Variants in FRMD4A observed in about 807,000 individuals in gnomAD.
The protein encoded by FRMD4A is FERM domain containing 4A.
FRMD4A carries 29 observed loss-of-function variants against 129.1 expected under a neutral mutation model. The ratio of observed to expected loss-of-function variants is 0.22; its 90% CI spans 0.17 to 0.31. The LOEUF (loss-of-function observed/expected upper bound fraction) is 0.31, where lower values mean the gene tolerates loss of function less well. FRMD4A is among the 10% of genes least tolerant of loss of function. The pLI, the probability that FRMD4A is intolerant of heterozygous loss-of-function variation, is 1.00. For synonymous variants in FRMD4A, 634 were observed against 571.6 expected (o/e 1.11, Z -1.56); for missense variants, 1,272 against 1,375.8 (o/e 0.92, Z 1.19).
At chr10:13,748,985 C>A (rs1362060725) in intron 8 of FRMD4A, among the ~76,000 whole-genome samples, 1 of 152,144 alleles carries the variant, frequency 6.6e-6, no homozygotes, top group Non-Finnish European at 1.5e-5. Flanking sequence ...TTTAAACTCC[C>A]CTAGCTTAAC....
intron 2 of FRMD4A, among the ~76,000 whole-genome samples, chr10:14,020,632 C>G (rs1473844761): frequency 6.6e-6 from 1 of 152,054 alleles, no homozygotes; most frequent in African/African-American, 2.4e-5. Flanking sequence ...CTCCCTGACT[C>G]CTCTGGAAGG....
At chr10:13,812,930 C>T (rs1056924046) in intron 3 of FRMD4A, among the ~76,000 whole-genome samples, 5 of 152,242 alleles carry the variant, frequency 3.3e-5, no homozygotes, top group African/African-American at 4.8e-5. Context: ...AACGTCTACT[C>T]TGCGAGAATG....
intron 2 of FRMD4A, among the ~76,000 whole-genome samples, chr10:14,108,783 G>A (rs1023963346): frequency 3.3e-5 from 5 of 152,112 alleles, no homozygotes; most frequent in African/African-American, 1.2e-4. Flanking sequence ...TTCCTGAAGG[G>A]CAGGGATAAA....
intron 3 of FRMD4A, among the ~76,000 whole-genome samples, chr10:13,851,811 A>T (rs973081474): frequency 6.6e-6 from 1 of 151,790 alleles, no homozygotes; most frequent in African/African-American, 2.4e-5. Context: ...GAGGCAGGAG[A>T]ATCGCTTGAA....
chr10:14,039,395 C>CTATCTATCTATCT lies in FRMD4A; in HGVS notation c.46-180484_46-180483insAGATAGATAGATA, dbSNP rs1565204509. 1.8e-4 allele frequency among the ~76,000 whole-genome samples: 25 copies of CTATCTATCTATCT among 140,890 alleles called. No individual in the cohort carries two copies. The East Asian group carries it at 3.4e-3, about 19-fold the overall frequency. 92.4% of individuals were successfully genotyped at this position (140,890 alleles called of 152,430 possible). A position where few individuals can be genotyped will look rare whatever the true frequency, so the allele number is the denominator to read the frequency against. On this transcript the variant is annotated intron_variant, in intron 2 of 24. Coordinates refer to ENST00000357447, the MANE Select transcript of FRMD4A (RefSeq NM_018027.5). ...CCATCCATCCATCCATCCATCCATC[C>CTATCTATCTATCT]ATCCATCCATCCATCTATCTATCTA...
chr10:13,660,217 T>G, intron 20 of FRMD4A, 99 bp downstream of exon 20: 2 of 778,314 alleles, frequency 2.6e-6, no homozygotes, highest in East Asian at 4.9e-5. Context: ...ACTAGGTTGA[T>G]GTGGATTTTG....
chr10:13,948,269 G>C (rs978903145), intron 2 of FRMD4A, among the ~76,000 whole-genome samples: 1 of 151,514 alleles, frequency 6.6e-6, no homozygotes, highest in African/African-American at 2.4e-5. Context: ...TTAATGCAAT[G>C]ATAAACACCT....
intron 3 of FRMD4A, among the ~76,000 whole-genome samples, chr10:13,817,564 T>A (rs11815144): frequency 6.6e-6 from 1 of 152,164 alleles, no homozygotes; most frequent in Non-Finnish European, 1.5e-5. Flanking sequence ...GATAACTGAA[T>A]CATGGGTGTG....
intron 2 of FRMD4A, among the ~76,000 whole-genome samples, chr10:14,109,043 T>C (rs915318696): frequency 1.3e-5 from 2 of 152,120 alleles, no homozygotes; most frequent in Non-Finnish European, 2.9e-5. Context: ...TCATATCCTA[T>C]CTCTTATTAC....
At chr10:13,950,306 T>C (rs2095362615) in intron 2 of FRMD4A, among the ~76,000 whole-genome samples, 1 of 152,264 alleles carries the variant, frequency 6.6e-6, no homozygotes, top group Admixed American at 6.5e-5. Flanking sequence ...TGGCATCATC[T>C]TGATCTGTAA....
intron 2 of FRMD4A, among the ~76,000 whole-genome samples, chr10:14,142,331 C>A (rs1171657454): frequency 2.0e-5 from 3 of 152,110 alleles, no homozygotes; most frequent in African/African-American, 7.2e-5. Context: ...CACTGTTCTG[C>A]TATTAAGGGA....
chr10:13,769,135 C>T (rs1254638956), intron 6 of FRMD4A, among the ~76,000 whole-genome samples: 1 of 150,328 alleles, frequency 6.7e-6, no homozygotes, highest in Non-Finnish European at 1.5e-5. Flanking sequence ...GGACGACAGG[C>T]ACCCACCACC....
At chr10:14,095,192 T>A (rs535606115) in intron 2 of FRMD4A, among the ~76,000 whole-genome samples, 3 of 152,148 alleles carry the variant, frequency 2.0e-5, no homozygotes, top group African/African-American at 7.2e-5. Context: ...AATAAAACTC[T>A]AAGATTTATT....
chr10:13,834,312 A>G (rs1660266824), intron 3 of FRMD4A, among the ~76,000 whole-genome samples: 4 of 152,138 alleles, frequency 2.6e-5, no homozygotes, highest in East Asian at 3.9e-4. Flanking sequence ...CACCAACAAC[A>G]AAACAAAACA....
intron 2 of FRMD4A, among the ~76,000 whole-genome samples, chr10:14,294,669 G>A (rs940849566): frequency 8.5e-5 from 13 of 152,182 alleles, no homozygotes; most frequent in Non-Finnish European, 1.0e-4. Context: ...TCTGCATTGC[G>A]TTAACCTGCT....
At chr10:13,684,709 G>C in intron 15 of FRMD4A, 1 of 985,142 alleles carries the variant, frequency 1.0e-6, no homozygotes, top group Non-Finnish European at 1.2e-6. Flanking sequence ...GACACAGAGG[G>C]GATATTGATG....
At chr10:13,670,372 TGA>T in intron 17 of FRMD4A, 32 bp downstream of exon 17, 1 of 1,606,914 alleles carries the variant, frequency 6.2e-7, no homozygotes. Flanking sequence ...AAGGATAACA[TGA>T]GAGAATCCAA....
At chr10:14,260,285 G>C (rs11258981) in intron 2 of FRMD4A, among the ~76,000 whole-genome samples, 2,658 of 152,198 alleles carry the variant, frequency 0.017, 68 homozygotes, top group African/African-American at 0.052. Flanking sequence ...TTTGGCATGA[G>C]GATCTATTTA....
At chr10:14,302,426 A>T (rs1846215535) in intron 2 of FRMD4A, among the ~76,000 whole-genome samples, 1 of 152,236 alleles carries the variant, frequency 6.6e-6, no homozygotes, top group Non-Finnish European at 1.5e-5. Flanking sequence ...CAAAAATAGC[A>T]TCATGGTTAA....
Sources: gnomAD v4.1 joint callset for allele counts (sites outside exome capture counted in the v4.1 genomes callset) on GRCh38, gnomAD v4.1.1 for gene constraint, MANE v1.5 for transcripts, NCBI Gene and HGNC (gene_info 2026-07-23, HGNC 2026-07-21) for gene names.